The following INPP5A variants were observed in gnomAD, a reference collection of about 807,000 sequenced individuals.
INPP5A encodes 43 kDa inositol polyphosphate 5-phophatase.
In INPP5A, 14 loss-of-function variants were observed where a neutral mutation model predicts 65.2. That is an observed-to-expected ratio of 0.21 (90% CI 0.14 to 0.34). The LOEUF (loss-of-function observed/expected upper bound fraction) is 0.34. INPP5A is among the 10% of genes least tolerant of loss of function. INPP5A has a pLI of 1.00. For missense variants in INPP5A, 431 were observed against 545.6 expected (o/e 0.79, Z 2.09); for synonymous variants, 207 against 208.3 (o/e 0.99, Z 0.05).
At chr10:132,638,666 T>TTGC (rs1311492295) in intron 2 of INPP5A, among the ~76,000 whole-genome samples, 18 of 152,188 alleles carry the variant, frequency 1.2e-4, no homozygotes, top group Admixed American at 3.9e-4. Context: ...CTCTTGGGCT[T>TTGC]ATGTGATTCT....
intron 2 of INPP5A, among the ~76,000 whole-genome samples, chr10:132,640,677 G>A (rs539598773): frequency 6.6e-6 from 1 of 152,368 alleles, no homozygotes; most frequent in African/African-American, 2.4e-5. Flanking sequence ...AGTGGCCTCC[G>A]AGGGCCACAT....
intron 1 of INPP5A, among the ~76,000 whole-genome samples, chr10:132,607,661 C>A (rs1181510609): frequency 1.3e-5 from 2 of 152,266 alleles, no homozygotes; most frequent in Non-Finnish European, 2.9e-5. Context: ...CTGCGCGACG[C>A]TGCCCGAGCT....
Position 132,538,687 on chromosome 10 carries a change from A to G in INPP5A, c.75+516A>G, listed in dbSNP as rs2070872392. On this transcript the variant is annotated intron_variant, in intron 1 of 15. Coordinates refer to ENST00000368594, the MANE Select transcript of INPP5A (RefSeq NM_005539.5). The surrounding 1 kb of genome is among the most constrained non-coding windows in gnomAD (Gnocchi z 4.1). ...CACTGGAACCACAAATCCTGACTGC[A>G]GAACTCTGGTTACAGAACCTGCTCT... Among the ~76,000 whole-genome samples, 1 of 152,054 alleles carries G rather than the reference A, an allele frequency of 6.6e-6. No homozygotes were observed.
intron 3 of INPP5A, among the ~76,000 whole-genome samples, chr10:132,647,032 G>A (rs771037936): frequency 2.0e-5 from 3 of 152,098 alleles, no homozygotes; most frequent in Non-Finnish European, 4.4e-5. Flanking sequence ...CAGGGTCCTC[G>A]AGCAGAGCAA....
chr10:132,668,563 C>T (rs925049172), intron 4 of INPP5A, among the ~76,000 whole-genome samples: 1 of 152,096 alleles, frequency 6.6e-6, no homozygotes, highest in African/African-American at 2.4e-5. Context: ...TGATCACTAT[C>T]CATAATGGCT....
chr10:132,688,634 CGTGT>C (rs1845186356), intron 4 of INPP5A, among the ~76,000 whole-genome samples: 1 of 150,454 alleles, frequency 6.6e-6, no homozygotes, highest in African/African-American at 2.5e-5. Context: ...CAAGTGCGTG[CGTGT>C]GCATGAGTGT....
intron 1 of INPP5A, among the ~76,000 whole-genome samples, chr10:132,566,327 C>T (rs2071274498): frequency 1.3e-5 from 2 of 152,124 alleles, no homozygotes; most frequent in South Asian, 4.1e-4. Context: ...TGGATTCTAC[C>T]AAACTGTTGA....
At position 132,608,313 on chromosome 10, in the gene INPP5A, C is replaced by T. The variant is rs547937580; in HGVS notation, c.117+357C>T. Among the ~76,000 whole-genome samples the T allele has an allele frequency of 4.6e-5, 7 of 152,354 alleles. No individual in the cohort carries two copies. In the East Asian group the frequency reaches 5.8e-4, roughly 13 times the overall value. On this transcript the variant is annotated intron_variant, in intron 2 of 15. Coordinates refer to ENST00000368594, the MANE Select transcript of INPP5A (RefSeq NM_005539.5). ...AGCTGGCAGCGAGGCTGGGTGTGCT[C>T]CTCACCAGGTCCGGTCCGTGCAGCG...
chr10:132,749,070 C>T (rs950882794), intron 9 of INPP5A, among the ~76,000 whole-genome samples: 2 of 152,252 alleles, frequency 1.3e-5, no homozygotes, highest in African/African-American at 2.4e-5. Flanking sequence ...AGACGGTTCC[C>T]GGTCAAGCCG....
chr10:132,723,511 CAT>C (rs1287317850), intron 8 of INPP5A, among the ~76,000 whole-genome samples: 1 of 139,572 alleles, frequency 7.2e-6, no homozygotes. Context: ...GGGGATTGGC[CAT>C]GTGGGGATTG....
chr10:132,731,873 G>C (rs902870568), intron 9 of INPP5A, among the ~76,000 whole-genome samples: 1 of 152,236 alleles, frequency 6.6e-6, no homozygotes, highest in Admixed American at 6.5e-5. Context: ...TGTCTGCAAA[G>C]GTCCCTTCTA....
At chr10:132,569,660 A>G (rs1194596203) in intron 1 of INPP5A, among the ~76,000 whole-genome samples, 3 of 150,250 alleles carry the variant, frequency 2.0e-5, no homozygotes, top group Non-Finnish European at 3.0e-5. Flanking sequence ...CTGGGTCCCC[A>G]CTGTTTTTTT....
intron 1 of INPP5A, among the ~76,000 whole-genome samples, chr10:132,540,251 TTG>T (rs1392618042): frequency 6.6e-6 from 1 of 152,240 alleles, no homozygotes; most frequent in Non-Finnish European, 1.5e-5. Context: ...AGCATTTTTG[TTG>T]TGTTTCAATT....
At chr10:132,680,640 A>G (rs1262992255) in intron 4 of INPP5A, among the ~76,000 whole-genome samples, 1 of 152,174 alleles carries the variant, frequency 6.6e-6, no homozygotes, top group Non-Finnish European at 1.5e-5. Context: ...CGACTCCCTC[A>G]GTTTGTAGGG....
intron 1 of INPP5A, among the ~76,000 whole-genome samples, chr10:132,581,714 C>T (rs1045621174): frequency 6.6e-6 from 1 of 152,104 alleles, no homozygotes; most frequent in Admixed American, 6.5e-5. Flanking sequence ...ATATCTTTTG[C>T]CCATTTTTTT....
chr10:132,578,913 C>T (rs2071444744), intron 1 of INPP5A, among the ~76,000 whole-genome samples: 1 of 152,184 alleles, frequency 6.6e-6, no homozygotes, highest in African/African-American at 2.4e-5. Context: ...CTCAGTCCGC[C>T]TGCCTTCTGT....
At chr10:132,657,507 A>G (rs2072672939) in intron 4 of INPP5A, among the ~76,000 whole-genome samples, 1 of 152,152 alleles carries the variant, frequency 6.6e-6, no homozygotes, top group Admixed American at 6.5e-5. Context: ...TGTAGTCTGT[A>G]AGAGGCAGGC....
rs1786603269 is a variant in INPP5A, at chr10:132,782,482, G to A, written c.*453G>A. ...GGCACTCCCTCTGCCGGCCGGCAGC[G>A]TGGCCCTGAGCATGGCAAGGGGGTC... is the stretch of plus-strand genomic sequence containing the variant. On this transcript the variant is annotated 3_prime_UTR_variant, in exon 16 of 16. Transcript: ENST00000368594. The surrounding 1 kb of genome is among the most constrained non-coding windows in gnomAD (Gnocchi z 4.4). The A allele has an allele frequency of 9.5e-6, 2 of 209,806 alleles. No homozygotes were observed. Among genetic ancestry groups the A allele is most frequent in the South Asian group, 7.4e-5 (1 of 13,554 alleles). The allele number at this position is 209,806 out of a possible 1,614,324, so 13.0% of individuals were successfully genotyped here. A position where few individuals can be genotyped will look rare whatever the true frequency, so the allele number is the denominator to read the frequency against.
Position 132,677,783 on chromosome 10 carries a change from C to T in INPP5A, c.307-12609C>T, listed in dbSNP as rs569989954. ...TGTTCCACCCTGGCAGATGAAGGCC[C>T]GGTCCTTCCTGGGCTCCTAATTGGG... is the stretch of plus-strand genomic sequence containing the variant. On this transcript the variant is annotated intron_variant, in intron 4 of 15. Transcript: ENST00000368594. Among the ~76,000 whole-genome samples, 9 of 152,324 alleles carry T rather than the reference C, an allele frequency of 5.9e-5. No individual in the cohort carries two copies. In the East Asian group the frequency reaches 7.7e-4, roughly 13 times the overall value.
Sources: gnomAD v4.1 joint callset for allele counts (sites outside exome capture counted in the v4.1 genomes callset) on GRCh38, gnomAD v4.1.1 for gene constraint, Gnocchi (gnomAD v3.1) non-coding constraint, MANE v1.5 for transcripts, NCBI Gene and HGNC (gene_info 2026-07-23, HGNC 2026-07-21) for gene names.